Variants in MAMLD1 observed in about 807,000 individuals in gnomAD.
The protein encoded by MAMLD1 is mastermind-like domain-containing protein 1.
In MAMLD1, 14 loss-of-function variants were observed where a neutral mutation model predicts 45.0. That is an observed-to-expected ratio of 0.31 (90% confidence interval 0.21 to 0.49). The LOEUF is 0.49. Ranked by LOEUF, MAMLD1 falls within the 20% of genes least tolerant of loss-of-function variation. MAMLD1 has a pLI of 0.99. For missense variants in MAMLD1, 543 were observed against 603.6 expected, an observed-to-expected ratio of 0.90 and a Z score of 1.05; for synonymous variants, 254 against 247.8, an observed-to-expected ratio of 1.02 and a Z score of -0.24.
intron 1 of MAMLD1, among the ~76,000 whole-genome samples, chrX:150,432,074 C>T (rs782684066): frequency 9.3e-6 from 1 of 107,158 alleles, no homozygotes; most frequent in Non-Finnish European, 1.9e-5. Context: ...TCCCCTTTCT[C>T]CACAACCTCT....
chrX:150,508,127 C>A (rs905932508), intron 6 of MAMLD1, among the ~76,000 whole-genome samples: 1 of 112,215 alleles, frequency 8.9e-6, no homozygotes, highest in South Asian at 3.7e-4. Context: ...GATCTTCTGC[C>A]CTGATGTCCT....
intron 5 of MAMLD1, among the ~76,000 whole-genome samples, chrX:150,494,918 A>C (rs782248621): frequency 2.8e-5 from 2 of 70,702 alleles, no homozygotes; most frequent in Admixed American, 2.7e-4. Flanking sequence ...AACAAACAAA[A>C]ACCTTGGCCG....
At chrX:150,365,046 C>T (rs1198305400) in intron 1 of MAMLD1, among the ~76,000 whole-genome samples, 1 of 112,147 alleles carries the variant, frequency 8.9e-6, no homozygotes, top group Non-Finnish European at 1.9e-5. Flanking sequence ...CCCTGGAGGC[C>T]GCGCAGCTTC....
chrX:150,362,993 T>C (rs1330884137), upstream of MAMLD1: 1 of 112,984 alleles, frequency 8.9e-6, no homozygotes, highest in Non-Finnish European at 1.9e-5. Flanking sequence ...CTGCGGCCGC[T>C]TTCTCCTCTA....
intron 5 of MAMLD1, among the ~76,000 whole-genome samples, chrX:150,479,633 C>T (rs2036690894): frequency 8.9e-6 from 1 of 111,881 alleles, no homozygotes; most frequent in Non-Finnish European, 1.9e-5. Context: ...AATCTCATTG[C>T]GCTTTTCAAA....
At chrX:150,469,330 C>T (rs1557406150) in intron 3 of MAMLD1, among the ~76,000 whole-genome samples, 1 of 112,573 alleles carries the variant, frequency 8.9e-6, no homozygotes, top group African/African-American at 3.2e-5. Context: ...CATTTAGTGA[C>T]TTCTGCATAG....
chrX:150,476,065 T>C (rs940618697), intron 5 of MAMLD1, among the ~76,000 whole-genome samples: 9 of 112,101 alleles, frequency 8.0e-5, no homozygotes, highest in Admixed American at 1.9e-4. Flanking sequence ...GCACCAAATT[T>C]ACAAAAGTAA....
intron 1 of MAMLD1, among the ~76,000 whole-genome samples, chrX:150,406,019 A>T (rs1397452632): frequency 9.0e-6 from 1 of 111,405 alleles, no homozygotes; most frequent in Non-Finnish European, 1.9e-5. Flanking sequence ...AGAGGGTGGG[A>T]TGAGGAGGAA....
intron 2 of MAMLD1, among the ~76,000 whole-genome samples, chrX:150,458,769 T>TC (rs1261658062): frequency 8.9e-6 from 1 of 112,144 alleles, no homozygotes; most frequent in East Asian, 2.8e-4. Context: ...ATCCATAACT[T>TC]CATCTAGTTA....
rs2036372067 is a variant in MAMLD1, at chrX:150,470,284, G to A, written c.711G>A (p.Lys237=). Residue 237 remains lysine, a synonymous_variant, in exon 4 of 8, where the codon AAG becomes AAA. Coordinates refer to ENST00000370401, the MANE Select transcript of MAMLD1 (RefSeq NM_005491.5). ...ACTTGGAGAGCCTGGCTTCCAGCAA[G>A]GAGTTTGCTTCTAGTTGCAGCCAAG... ...MSHLESLASS[K]EFASSCSQVT... The A allele has an allele frequency of 5.0e-6, 6 of 1,207,793 alleles. No individual in the cohort carries two copies. The African/African-American group carries it at 8.7e-5, about 18-fold the overall frequency.
At chrX:150,445,073 CAG>C (rs1424924815) in intron 1 of MAMLD1, among the ~76,000 whole-genome samples, 1 of 112,206 alleles carries the variant, frequency 8.9e-6, no homozygotes, top group African/African-American at 3.2e-5. Context: ...AATTGCATCT[CAG>C]AGAACAGAGG....
At chrX:150,457,753 T>C (rs1404303578) in intron 2 of MAMLD1, among the ~76,000 whole-genome samples, 1 of 111,958 alleles carries the variant, frequency 8.9e-6, no homozygotes, top group African/African-American at 3.3e-5. Context: ...CCCATTTATA[T>C]GAAGTATTCA....
intron 1 of MAMLD1, among the ~76,000 whole-genome samples, chrX:150,377,626 T>C (rs1414702809): frequency 9.0e-6 from 1 of 111,593 alleles, no homozygotes; most frequent in East Asian, 2.8e-4. Context: ...CCTTTAATCT[T>C]TGATCTCAAT....
chrX:150,381,972 C>T (rs1306747389), intron 1 of MAMLD1, among the ~76,000 whole-genome samples: 10 of 110,585 alleles, frequency 9.0e-5, no homozygotes, highest in African/African-American at 3.3e-4. Context: ...TTCTCTCAGT[C>T]TGTATCTTAT....
chrX:150,482,887 G>A (rs782322831), intron 5 of MAMLD1, among the ~76,000 whole-genome samples: 15 of 112,397 alleles, frequency 1.3e-4, no homozygotes, highest in East Asian at 2.8e-4. Flanking sequence ...AAACAAGAAC[G>A]GACATTATCT....
At chrX:150,450,319 G>A (rs1413830921) in intron 2 of MAMLD1, among the ~76,000 whole-genome samples, 1 of 112,213 alleles carries the variant, frequency 8.9e-6, no homozygotes, top group Non-Finnish European at 1.9e-5. Flanking sequence ...TCCCTTAGAA[G>A]CCTCAAGAGA....
intron 5 of MAMLD1, among the ~76,000 whole-genome samples, chrX:150,481,876 AAAAG>A (rs1489904477): frequency 9.4e-6 from 1 of 106,460 alleles, no homozygotes; most frequent in Non-Finnish European, 1.9e-5. Flanking sequence ...GAAAGAAAGA[AAAAG>A]AAAGAGAGAA....
intron 5 of MAMLD1, among the ~76,000 whole-genome samples, chrX:150,502,964 T>C (rs1370679770): frequency 8.9e-6 from 1 of 111,787 alleles, no homozygotes; most frequent in African/African-American, 3.3e-5. Context: ...ATGAGATCCA[T>C]GGATGGGTAT....
intron 2 of MAMLD1, among the ~76,000 whole-genome samples, chrX:150,458,062 G>T (rs2035925941): frequency 9.0e-6 from 1 of 111,394 alleles, no homozygotes; most frequent in African/African-American, 3.3e-5. Context: ...CATGGCATCA[G>T]AGCTCACCAG....
Sources: allele counts gnomAD v4.1 joint callset (sites outside exome capture counted in the v4.1 genomes callset), GRCh38; gene constraint gnomAD v4.1.1; transcripts MANE v1.5; gene names NCBI Gene and HGNC (gene_info 2026-07-23, HGNC 2026-07-21).